Variants in DACH1 observed in about 807,000 individuals in gnomAD.
The protein encoded by DACH1 is dachshund homolog 1.
A neutral mutation model predicts 54.2 loss-of-function variants in DACH1; 12 were observed. That is an observed-to-expected ratio of 0.22 (90% CI 0.14 to 0.36). DACH1 has a LOEUF of 0.36. Ranked by LOEUF, DACH1 falls within the 10% of genes least tolerant of loss-of-function variation. DACH1 has a pLI of 1.00. For synonymous variants in DACH1, 386 were observed against 366.2 expected (o/e 1.05, Z -0.62); for missense variants, 805 against 929.8 (o/e 0.87, Z 1.75).
At chr13:71,544,960 C>T (rs987827092) in intron 6 of DACH1, among the ~76,000 whole-genome samples, 8 of 151,956 alleles carry the variant, frequency 5.3e-5, no homozygotes, top group African/African-American at 1.9e-4. Context: ...CTACTAAGCC[C>T]TAGATTACTG....
chr13:71,446,951 T>C (rs1874523755), intron 10 of DACH1, among the ~76,000 whole-genome samples: 1 of 152,212 alleles, frequency 6.6e-6, no homozygotes, highest in Non-Finnish European at 1.5e-5. Flanking sequence ...AGTACTTAAT[T>C]AAAAAGTCTG....
intron 3 of DACH1, among the ~76,000 whole-genome samples, chr13:71,626,367 C>CA (rs1457717898): frequency 2.0e-5 from 3 of 151,448 alleles, no homozygotes; most frequent in East Asian, 3.9e-4. Context: ...TGCATAATGC[C>CA]AAAAAAAGGA....
At chr13:71,800,990 C>T (rs1207753135) in intron 1 of DACH1, among the ~76,000 whole-genome samples, 1 of 151,966 alleles carries the variant, frequency 6.6e-6, no homozygotes, top group Non-Finnish European at 1.5e-5. Flanking sequence ...AAACAAATAG[C>T]AACTATGTAT....
chr13:71,861,907 CAA>C (rs71126514), intron 1 of DACH1, among the ~76,000 whole-genome samples: 977 of 86,468 alleles, frequency 0.011, 10 homozygotes, highest in African/African-American at 0.037. Context: ...AACTCCTAAC[CAA>C]AAAAAAAAAA....
chr13:71,810,992 A>G (rs1887686544), intron 1 of DACH1, among the ~76,000 whole-genome samples: 1 of 151,892 alleles, frequency 6.6e-6, no homozygotes, highest in African/African-American at 2.4e-5. Flanking sequence ...ACTGAACCAG[A>G]ACATTTTTTT....
chr13:71,520,866 G>A (rs1240888834), intron 6 of DACH1, among the ~76,000 whole-genome samples: 1 of 151,926 alleles, frequency 6.6e-6, no homozygotes, highest in Non-Finnish European at 1.5e-5. Flanking sequence ...AGTTAGGTGA[G>A]AAGGTAAGTT....
intron 1 of DACH1, among the ~76,000 whole-genome samples, chr13:71,838,753 A>G (rs1451703185): frequency 6.6e-6 from 1 of 152,160 alleles, no homozygotes; most frequent in Non-Finnish European, 1.5e-5. Context: ...TGTTTATTTT[A>G]AAGGCACTAT....
intron 1 of DACH1, among the ~76,000 whole-genome samples, chr13:71,758,293 G>A (rs1885252861): frequency 6.6e-6 from 1 of 152,124 alleles, no homozygotes; most frequent in Non-Finnish European, 1.5e-5. Context: ...AGATTTTTAT[G>A]TAAAAGACTG....
intron 3 of DACH1, among the ~76,000 whole-genome samples, chr13:71,600,324 T>G (rs1874402123): frequency 6.6e-6 from 1 of 152,132 alleles, no homozygotes; most frequent in African/African-American, 2.4e-5. Context: ...GCCACATAAG[T>G]AAGCCACTAC....
chr13:71,520,624 C>CA (rs1881527888), intron 6 of DACH1, among the ~76,000 whole-genome samples: 2 of 150,722 alleles, frequency 1.3e-5, no homozygotes, highest in South Asian at 2.1e-4. Context: ...ACTATACACA[C>CA]AAAAAAACTA....
rs562656607 is a variant in DACH1 at position 71,531,042 on chromosome 13, A to G, written c.1570+25982T>C. 7.9e-5 allele frequency among the ~76,000 whole-genome samples: 12 copies of G among 152,218 alleles called. No homozygotes were observed. In the East Asian group the frequency reaches 2.3e-3, roughly 29 times the overall value. The stretch of plus-strand genomic sequence containing the variant: ...GAAAGTTAGTTAGAAAAACATATAT[A>G]TAACTATATCAAAAGTGAGATAATT... On this transcript the variant is annotated intron_variant, in intron 6 of 10. Coordinates refer to ENST00000613252, the MANE Select transcript of DACH1 (RefSeq NM_080759.6).
chr13:71,601,477 C>T (rs1253640430), intron 3 of DACH1, among the ~76,000 whole-genome samples: 1 of 151,784 alleles, frequency 6.6e-6, no homozygotes, highest in East Asian at 1.9e-4. Context: ...CTTTTATTTG[C>T]CTTGTATTGT....
chr13:71,553,470 A>G (rs1173550113), intron 6 of DACH1, among the ~76,000 whole-genome samples: 1 of 146,000 alleles, frequency 6.8e-6, no homozygotes, highest in Non-Finnish European at 1.5e-5. Flanking sequence ...ATATACATAT[A>G]TGGGATATAT....
intron 4 of DACH1, among the ~76,000 whole-genome samples, chr13:71,566,322 A>G (rs965099843): frequency 6.6e-6 from 1 of 152,118 alleles, no homozygotes; most frequent in Non-Finnish European, 1.5e-5. Context: ...ATGGTGTTGC[A>G]AGCTTCTATA....
chr13:71,608,722 CA>C (rs1208066913), intron 3 of DACH1, among the ~76,000 whole-genome samples: 1 of 152,120 alleles, frequency 6.6e-6, no homozygotes, highest in African/African-American at 2.4e-5. Flanking sequence ...AATGATTCTT[CA>C]AAAGGAAAAA....
chr13:71,796,584 T>C (rs1887061371), intron 1 of DACH1, among the ~76,000 whole-genome samples: 1 of 152,120 alleles, frequency 6.6e-6, no homozygotes, highest in Non-Finnish European at 1.5e-5. Context: ...GGCATGTTTA[T>C]GATAAAAAGT....
chr13:71,776,574 A>G (rs1886074093), intron 1 of DACH1, among the ~76,000 whole-genome samples: 1 of 152,076 alleles, frequency 6.6e-6, no homozygotes, highest in East Asian at 1.9e-4. Context: ...AAAAAAGGAG[A>G]AATAACAGTC....
intron 1 of DACH1, 133 bp downstream of exon 1, chr13:71,865,789 G>C (rs935566249): frequency 7.7e-6 from 10 of 1,292,320 alleles, no homozygotes; most frequent in Non-Finnish European, 9.8e-6. Context: ...AGCAGGGAGA[G>C]GAGAGGGCCG....
chr13:71,605,342 T>G (rs1309344328), intron 3 of DACH1, among the ~76,000 whole-genome samples: 2 of 151,824 alleles, frequency 1.3e-5, no homozygotes, highest in African/African-American at 4.8e-5. Flanking sequence ...AATATGATAT[T>G]ATATTTGAAA....
Sources: gnomAD v4.1 joint callset for allele counts (sites outside exome capture counted in the v4.1 genomes callset) on GRCh38, gnomAD v4.1.1 for gene constraint, MANE v1.5 for transcripts, NCBI Gene and HGNC (gene_info 2026-07-23, HGNC 2026-07-21) for gene names.